MAN2C1: variants seen among roughly 807,000 people sequenced by gnomAD.
MAN2C1 encodes alpha-mannosidase 2C1.
Under a neutral mutation model 126.9 loss-of-function variants are expected in MAN2C1, and 111 were observed. That is an observed-to-expected ratio of 0.87 (90% CI 0.75 to 1.02). The LOEUF is 1.02. Ranked by LOEUF, MAN2C1 falls within the 50% of genes least tolerant of loss-of-function variation. MAN2C1 has a pLI of 0.00. For synonymous variants in MAN2C1, 567 were observed against 561.5 expected (o/e 1.01, Z -0.14); for missense variants, 1,363 against 1,364.4 (o/e 1.00, Z 0.02).
chr15:75,359,441 G>A lies in MAN2C1; in HGVS notation c.1949-16C>T. ...GTCACCAGGGCTGGGGGTGAGGCCT[G>A]GGCATCAGTGCAGCCTTCCTGACCT... On this transcript the variant is annotated splice_polypyrimidine_tract_variant and intron_variant, in intron 16 of 25. Transcript: ENST00000267978. 2 of 1,604,942 alleles carry A rather than the reference G, an allele frequency of 1.2e-6. No individual in the cohort carries two copies. The highest frequency in any genetic ancestry group is 2.7e-5 in the African/African-American group (2 of 74,898).
At position 75,359,775 on chromosome 15, in the gene MAN2C1, T is replaced by A. The variant is rs2141330282; in HGVS notation, c.1793A>T (p.Asp598Val). ...VAEEAMCHYE[D>V]IRSHGNTLLS... ...CAGTGTATTGCCATGGGAACGGATG[T>A]CTGAGGAAAGACTGGCTGGTCATAG... The change falls in exon 16 of 26, where the codon GAC becomes GTC. Residue 598 changes from aspartate (D) to valine (V), a missense_variant and splice_region_variant. Transcript: ENST00000267978. 2 of 1,613,792 alleles carry A rather than the reference T, an allele frequency of 1.2e-6. No individual in the cohort carries two copies. Among genetic ancestry groups the A allele is most frequent in the East Asian group, 4.5e-5 (2 of 44,882 alleles).
chr15:75,362,003 A>G lies in MAN2C1; in HGVS notation c.1009-56T>C, dbSNP rs1029015691. The G allele has an allele frequency of 7.6e-7, 1 of 1,322,274 alleles. No homozygotes were observed. Among genetic ancestry groups the G allele is most frequent in the Non-Finnish European group, 1.1e-6 (1 of 916,914 alleles). 81.9% of individuals were successfully genotyped at this position (1,322,274 alleles called of 1,614,324 possible). On this transcript the variant is annotated intron_variant, in intron 8 of 25. Coordinates refer to ENST00000267978, the MANE Select transcript of MAN2C1 (RefSeq NM_006715.4). This position sits in a 1 kb window ranked among gnomAD's most constrained non-coding sequence, Gnocchi z 4.5. ...GGTCAGCGCTGGACGGGGAGCAGGCAGGCGCTCAGGCCAACCCAATCCCTG... is the reference window on the plus strand; with the variant it reads ...GGTCAGCGCTGGACGGGGAGCAGGCGGGCGCTCAGGCCAACCCAATCCCTG...
Position 75,364,186 on chromosome 15 carries a change from G to A in MAN2C1, c.603C>T (p.Gly201=). The A allele has an allele frequency of 6.2e-7, 1 of 1,609,340 alleles. No homozygotes were observed. Among genetic ancestry groups the A allele is most frequent in the South Asian group, 1.1e-5 (1 of 90,912 alleles). ...DLELLLGIAK[G]LGKDNQRSFQ... ...AGCTGCGCTGGTTGTCCTTCCCGAG[G>A]CCCTGCAGCAGGGTTCTGCCCCTTA... The change falls in exon 6 of 26, where the codon GGC becomes GGT. Residue 201 remains glycine, a splice_region_variant and synonymous_variant. Coordinates refer to ENST00000267978, the MANE Select transcript of MAN2C1 (RefSeq NM_006715.4).
In MAN2C1 at chr15:75,356,319, T is replaced by TTGG; in HGVS notation, c.2867_2868insCCA (p.Val956_Leu957insGln). The TTGG allele has an allele frequency of 6.2e-7, 1 of 1,611,122 alleles. No individual in the cohort carries two copies. The stretch of plus-strand genomic sequence containing the variant: ...CCCTTGCCTGCTTGACGGTCTCCAA[T>TTGG]ACGACCGCGGGTGAAGACACGGAAA... On this transcript the variant is annotated inframe_insertion, in exon 24 of 26. Coordinates refer to ENST00000267978, the MANE Select transcript of MAN2C1 (RefSeq NM_006715.4). This position sits in a 1 kb window ranked among gnomAD's most constrained non-coding sequence, Gnocchi z 5.8.
At position 75,356,826 on chromosome 15, in the gene MAN2C1, G is replaced by A. The variant is rs778458430; in HGVS notation, c.2624C>T (p.Ala875Val). ...LALLNDCKYG[A>V]SVRGSILSLS... is the part of the protein sequence containing the mutation. ...GCTGAGGATGCTGCCTCGCACTGAC[G>A]CGCCATACTTGCAGTCGTTGAGCAG... Residue 875 changes from alanine (A) to valine (V), a missense_variant, in exon 22 of 26, where the codon GCG becomes GTG. By Grantham distance (64) the Ala-to-Val change is moderately conservative. Transcript: ENST00000267978. The surrounding 1 kb of genome is among the most constrained non-coding windows in gnomAD (Gnocchi z 5.8). The A allele has an allele frequency of 2.2e-5, 35 of 1,614,076 alleles. No individual in the cohort carries two copies. The highest frequency in any genetic ancestry group is 7.7e-5 in the South Asian group (7 of 91,092).
At chr15:75,364,271 G>C in intron 5 of MAN2C1, 83 bp from the exon 6 acceptor site, 1 of 1,428,644 alleles carries the variant, frequency 7.0e-7, no homozygotes, top group Non-Finnish European at 9.3e-7. Context: ...GCTCTCAGCA[G>C]AGCTCCCCTG....
At chr15:75,368,030 C>G (rs1314277598) in intron 2 of MAN2C1, 43 bp downstream of exon 2, 16 of 1,572,184 alleles carry the variant, frequency 1.0e-5, no homozygotes, top group Non-Finnish European at 1.2e-5. Flanking sequence ...GTTGGGACTT[C>G]CCCTAGGCCT....
chr15:75,367,916 A>AGCTGTTCCCAGCAGAGGGT (rs969452217), intron 2 of MAN2C1, 157 bp downstream of exon 2: 3 of 1,056,778 alleles, frequency 2.8e-6, no homozygotes, highest in African/African-American at 1.6e-5. Context: ...GGGACCAGAG[A>AGCTGTTCCCAGCAGAGGGT]GCTGTTCCCA....
Position 75,360,004 on chromosome 15 carries a change from G to C in MAN2C1, c.1707-16C>G. 6.2e-7 allele frequency: 1 copy of C among 1,614,084 alleles called. No individual in the cohort carries two copies. Among genetic ancestry groups the C allele is most frequent in the Non-Finnish European group, 8.5e-7 (1 of 1,179,938 alleles). ...AAGAAGGAGCCTGCAGGGGCCAAGG[G>C]CAGGGATGGGAAGGCTGGGAGGGGC... On this transcript the variant is annotated splice_polypyrimidine_tract_variant and intron_variant, in intron 14 of 25. Coordinates refer to ENST00000267978, the MANE Select transcript of MAN2C1 (RefSeq NM_006715.4).
rs1360964748 is a variant in MAN2C1 at position 75,356,823 on chromosome 15, G to A, written c.2627C>T (p.Ser876Leu). 6.2e-7 allele frequency: 1 copy of A among 1,613,972 alleles called. No homozygotes were observed. The highest frequency in any genetic ancestry group is 1.3e-5 in the African/African-American group (1 of 74,952). The change falls in exon 22 of 26, where the codon TCA becomes TTA. Residue 876 changes from serine (S) to leucine (L), a missense_variant. Physicochemically the swap from Ser to Leu is moderately radical, Grantham distance 145. This residue lies in a region of MAN2C1 where 668 missense variants were observed against 650.1 expected (regional missense o/e 1.03). Transcript: ENST00000267978. The surrounding 1 kb of genome is among the most constrained non-coding windows in gnomAD (Gnocchi z 5.8). ...GAGGCTGAGGATGCTGCCTCGCACT[G>A]ACGCGCCATACTTGCAGTCGTTGAG... ...ALLNDCKYGA[S>L]VRGSILSLSL...
chr15:75,359,277 T>C (rs866727818), intron 17 of MAN2C1, 51 bp downstream of exon 17: 6 of 1,579,800 alleles, frequency 3.8e-6, no homozygotes, highest in Middle Eastern at 3.4e-4. Flanking sequence ...CCCTCAGTTG[T>C]AAGAAAGTAT....
rs374480499 is a variant in MAN2C1, at chr15:75,358,446, C to G, written c.2403+16G>C. The G allele has an allele frequency of 3.1e-6, 5 of 1,613,396 alleles. No individual in the cohort carries two copies. The highest frequency in any genetic ancestry group is 1.7e-4 in the Middle Eastern group (1 of 6,060). The stretch of plus-strand genomic sequence containing the variant: ...GCACACTTGGGGAAAACAGCCACCC[C>G]CTACCCCCCGACTACCTCGGTGTGG... On this transcript the variant is annotated intron_variant, in intron 20 of 25. Coordinates refer to ENST00000267978, the MANE Select transcript of MAN2C1 (RefSeq NM_006715.4).
chr15:75,366,943 C>T (rs2141341310), intron 3 of MAN2C1, among the ~76,000 whole-genome samples: 1 of 152,308 alleles, frequency 6.6e-6, no homozygotes, highest in East Asian at 1.9e-4. Flanking sequence ...AGGTTTGCCT[C>T]ATTCCCTGCT....
At chr15:75,368,005 G>A in intron 2 of MAN2C1, 68 bp downstream of exon 2, 2 of 1,521,260 alleles carry the variant, frequency 1.3e-6, no homozygotes, top group Non-Finnish European at 1.8e-6. Context: ...CAACGAAGGT[G>A]TGGCTGGGAG....
chr15:75,367,915 G>A (rs2072610855), intron 2 of MAN2C1, 158 bp downstream of exon 2: 2 of 1,061,430 alleles, frequency 1.9e-6, no homozygotes, highest in African/African-American at 1.6e-5. Context: ...AGGGACCAGA[G>A]AGCTGTTCCC....
rs765881031 is a variant in MAN2C1 at position 75,359,667 on chromosome 15, C to G, written c.1901G>C (p.Arg634Pro). 2.5e-6 allele frequency: 4 copies of G among 1,614,158 alleles called. No homozygotes were observed. ...LLIVNTLPWK[R>P]IEVMALPKPG... ...TTTGGGCAGGGCCATCACTTCGATC[C>G]GCTTCCAGGGCAGTGTGTTGACGAT... The change falls in exon 16 of 26, where the codon CGG (arginine) becomes CCG (proline). Residue 634 changes from arginine (R) to proline (P), a missense_variant. Physicochemically the swap from Arg to Pro is moderately radical, Grantham distance 103. This residue lies in a region of MAN2C1 where 668 missense variants were observed against 650.1 expected (regional missense o/e 1.03). Transcript: ENST00000267978.
chr15:75,359,235 T>G, intron 17 of MAN2C1, 82 bp from the exon 18 acceptor site: 2 of 1,072,406 alleles, frequency 1.9e-6, no homozygotes, highest in Non-Finnish European at 2.7e-6. Context: ...CAGCCCCGCC[T>G]CACCACTTGC....
Position 75,361,670 on chromosome 15 carries a change from C to A in MAN2C1, c.1152G>T (p.Met384Ile), listed in dbSNP as rs1288935917. ...GAAAGCGCCTGATGCCACAGCCGTG[C>A]ATGATCTGGGGGAGCTGTGCTGAGT... ...FGYSAQLPQI[M>I]HGCGIRRFLT... is the part of the protein sequence containing the mutation. The change falls in exon 10 of 26, where the codon ATG becomes ATT. Residue 384 changes from methionine (M) to isoleucine (I), a missense_variant. Transcript: ENST00000267978. The surrounding 1 kb of genome is among the most constrained non-coding windows in gnomAD (Gnocchi z 5.0). The A allele has an allele frequency of 1.2e-6, 2 of 1,614,048 alleles. No homozygotes were observed. Among genetic ancestry groups the A allele is most frequent in the Admixed American group, 1.7e-5 (1 of 60,034 alleles).
chr15:75,358,312 C>T lies in MAN2C1; in HGVS notation c.2436G>A (p.Lys812=). 1 of 1,614,154 alleles carries T rather than the reference C, an allele frequency of 6.2e-7. No homozygotes were observed. The highest frequency in any genetic ancestry group is 1.1e-5 in the South Asian group (1 of 91,090). ...TCCGCACGCGAGCAGGGAACTCCAC[C>T]TTCAGGAACTTGTGGGCCTCATGCC... is the stretch of plus-strand genomic sequence containing the variant. ...VHWHEAHKFL[K]VEFPARVRSS... is the part of the protein sequence containing the mutation. The change falls in exon 21 of 26, where the codon AAG becomes AAA. Residue 812 remains lysine (K), a synonymous_variant. Coordinates refer to ENST00000267978, the MANE Select transcript of MAN2C1 (RefSeq NM_006715.4).
Sources: allele counts gnomAD v4.1 joint callset (sites outside exome capture counted in the v4.1 genomes callset), GRCh38; gene constraint gnomAD v4.1.1; regional missense constraint gnomAD v4.1.1; non-coding constraint Gnocchi (gnomAD v3.1); transcripts MANE v1.5; gene names NCBI Gene and HGNC (gene_info 2026-07-23, HGNC 2026-07-21).